DZIP1: variants seen among roughly 807,000 people sequenced by gnomAD.
The protein encoded by DZIP1 is DAZ interacting zinc finger protein 1.
DZIP1 carries 97 observed loss-of-function variants against 107.6 expected under a neutral mutation model. The observed-to-expected ratio is 0.90, with a 90% CI of 0.77 to 1.07. The LOEUF is 1.07. Among genes scored for constraint, DZIP1 ranks in the 50% least tolerant of loss-of-function variants. The pLI is 0.00. For synonymous variants in DZIP1, 390 were observed against 386.4 expected (o/e 1.01, Z -0.11); for missense variants, 1,035 against 1,063.6 (o/e 0.97, Z 0.37).
intron 9 of DZIP1, among the ~76,000 whole-genome samples, chr13:95,621,664 CAGTG>C (rs1566409164): frequency 2.3e-5 from 2 of 86,284 alleles, no homozygotes; most frequent in Non-Finnish European, 5.5e-5. Flanking sequence ...GACCAGTTAG[CAGTG>C]TGTGTGTGTG....
chr13:95,615,551 C>T (rs529132430), intron 10 of DZIP1, among the ~76,000 whole-genome samples: 1 of 152,322 alleles, frequency 6.6e-6, no homozygotes, highest in East Asian at 1.9e-4. Context: ...GGGAGTGGAG[C>T]TGGCCACCTG....
Position 95,581,260 on chromosome 13 carries a change from T to A in DZIP1, c.*974A>T, listed in dbSNP as rs2044007228. ...TGCAAAAAACAGCTTATAAGAACTT[T>A]CTTTCGACAATGTCATTGTTTAAGA... On this transcript the variant is annotated 3_prime_UTR_variant, in exon 23 of 23. Transcript: ENST00000376829. 6.6e-6 allele frequency: 1 copy of A among 152,670 alleles called. No homozygotes were observed. Among genetic ancestry groups the A allele is most frequent in the African/African-American group, 2.4e-5 (1 of 41,472 alleles). 9.5% of individuals were successfully genotyped at this position (152,670 alleles called of 1,614,324 possible). A position where few individuals can be genotyped will look rare whatever the true frequency, so the allele number is the denominator to read the frequency against.
At chr13:95,594,725 C>A (rs542237801) in intron 15 of DZIP1, among the ~76,000 whole-genome samples, 1 of 152,100 alleles carries the variant, frequency 6.6e-6, no homozygotes, top group East Asian at 1.9e-4. Flanking sequence ...AAATCATTAT[C>A]CCCTTCAAAA....
At chr13:95,643,573 A>C (rs927608405) in intron 2 of DZIP1, 28 bp downstream of exon 2, 1 of 152,512 alleles carries the variant, frequency 6.6e-6, no homozygotes, top group Non-Finnish European at 1.5e-5. Context: ...AGCTTCCTCC[A>C]TCTGTTTAAG....
At position 95,582,195 on chromosome 13, in the gene DZIP1, A is replaced by G. The variant is rs372965604; in HGVS notation, c.*39T>C. 14 of 1,594,716 alleles carry G rather than the reference A, an allele frequency of 8.8e-6. No homozygotes were observed. In the African/African-American group the frequency reaches 1.5e-4, roughly 17 times the overall value. ...ATTACTGAAACACTGTGATACTGAA[A>G]TACTGCTGGCTTCTGGAATAATCTT... On this transcript the variant is annotated 3_prime_UTR_variant, in exon 23 of 23. Transcript: ENST00000376829.
At chr13:95,595,157 ACT>A (rs1434205560) in intron 15 of DZIP1, among the ~76,000 whole-genome samples, 1 of 151,992 alleles carries the variant, frequency 6.6e-6, no homozygotes, top group East Asian at 1.9e-4. Flanking sequence ...CACCCGAGAG[ACT>A]CTCCCTTCTG....
intron 14 of DZIP1, among the ~76,000 whole-genome samples, chr13:95,603,282 G>A (rs1231457234): frequency 7.5e-6 from 1 of 134,178 alleles, no homozygotes; most frequent in Non-Finnish European, 1.5e-5. Flanking sequence ...ATTCCAGCCT[G>A]GGCGACAGAG....
chr13:95,636,497 T>C (rs1306632217), intron 5 of DZIP1, among the ~76,000 whole-genome samples: 1 of 144,318 alleles, frequency 6.9e-6, no homozygotes, highest in Non-Finnish European at 1.5e-5. Flanking sequence ...GAGACAAGAT[T>C]GCGCCACTGC....
At position 95,586,076 on chromosome 13, in the gene DZIP1, A is replaced by T. The variant is rs1021473573; in HGVS notation, c.2279T>A (p.Val760Glu). ...VEKMFPHRKN[V>E]NKPVGGTNVP... ...ATTAGTTCCACCGACTGGTTTGTTC[A>T]CATTTTTGCGATGTGGAAACATCTT... The change falls in exon 21 of 23, where the codon GTG (valine) becomes GAG (glutamate). Residue 760 changes from valine to glutamate, a missense_variant. Val to Glu is a moderately radical substitution (Grantham distance 121, BLOSUM62 -2). Transcript: ENST00000376829. 3.1e-6 allele frequency: 5 copies of T among 1,612,024 alleles called. No individual in the cohort carries two copies. Among genetic ancestry groups the T allele is most frequent in the Non-Finnish European group, 3.4e-6 (4 of 1,179,302 alleles).
rs183578048 is a variant in DZIP1, at chr13:95,632,553, G to A, written c.685+681C>T. Among the ~76,000 whole-genome samples, 230 of 152,004 alleles carry A rather than the reference G, an allele frequency of 1.5e-3. 1 individual carries two copies. Among genetic ancestry groups the A allele is most frequent in the African/African-American group, 5.1e-3 (211 of 41,436 alleles). ...TCACTCATCCACTGCTTCCACTGTC[G>A]CCCCAACAGTAGTCTCTATCCACAG... is the stretch of plus-strand genomic sequence containing the variant. On this transcript the variant is annotated intron_variant, in intron 6 of 22. Transcript: ENST00000376829.
intron 8 of DZIP1, among the ~76,000 whole-genome samples, chr13:95,623,382 T>C (rs1876141881): frequency 6.6e-6 from 1 of 151,904 alleles, no homozygotes; most frequent in Non-Finnish European, 1.5e-5. Context: ...AAAGAGAAAA[T>C]CTTCAGTGGA....
rs759599792 is a variant in DZIP1, at chr13:95,641,998, C to A, written c.32G>T (p.Ser11Ile). 1.3e-6 allele frequency: 2 copies of A among 1,579,552 alleles called. No individual in the cohort carries two copies. The highest frequency in any genetic ancestry group is 3.6e-5 in the Admixed American group (2 of 55,544). MQAEAADWFS[S>I]MPFQKHVYYP... is the part of the protein sequence containing the mutation. ...CCCCGGCCTCCCGCCTCTTACCATG[C>A]TTGAAAACCAATCCGCTGCCTCAGC... The change falls in exon 4 of 23, where the codon AGC becomes ATC. Residue 11 changes from serine (S) to isoleucine (I), a missense_variant. Transcript: ENST00000376829. The surrounding 1 kb of genome is among the most constrained non-coding windows in gnomAD (Gnocchi z 4.3).
intron 3 of DZIP1, among the ~76,000 whole-genome samples, chr13:95,642,610 G>A (rs1000339825): frequency 4.6e-5 from 7 of 152,136 alleles, no homozygotes; most frequent in Non-Finnish European, 1.0e-4. Flanking sequence ...AGGGGGACTC[G>A]CTGCAAAAGG....
At position 95,641,160 on chromosome 13, in the gene DZIP1, TG is replaced by T. The variant is rs1878439507; in HGVS notation, c.597+134del. 2.4e-6 allele frequency: 3 copies of T among 1,246,504 alleles called. No individual in the cohort carries two copies. In the Admixed American group the frequency reaches 9.3e-5, roughly 39 times the overall value. The allele number at this position is 1,246,504 out of a possible 1,614,324, so 77.2% of individuals were successfully genotyped here. ...CATTTGTTGGTTAAATGACTGTTTT[TG>T]CTTAAATATACTGTGTCTTCTGATA... On this transcript the variant is annotated intron_variant, in intron 5 of 22. Transcript: ENST00000376829. The surrounding 1 kb of genome is among the most constrained non-coding windows in gnomAD (Gnocchi z 4.3).
rs561111034 is a variant in DZIP1 at position 95,611,748 on chromosome 13, T to C, written c.1315-255A>G. Among the ~76,000 whole-genome samples the C allele has an allele frequency of 8.7e-4, 132 of 152,350 alleles. 1 individual carries two copies. The highest frequency in any genetic ancestry group is 3.1e-3 in the African/African-American group (127 of 41,572). On this transcript the variant is annotated intron_variant, in intron 11 of 22. Transcript: ENST00000376829. ...AAAATAACAAAAAATCTTTTTAAAG[T>C]TGCATTTGTATTTGGCTGCTTCTCA...
At chr13:95,615,700 G>A (rs1031164363) in intron 10 of DZIP1, among the ~76,000 whole-genome samples, 29 of 152,160 alleles carry the variant, frequency 1.9e-4, no homozygotes, top group Admixed American at 5.9e-4. Flanking sequence ...TTTCCTTCCC[G>A]GCTGGGAGCT....
At chr13:95,643,841 C>T (rs1878800691) in intron 1 of DZIP1, 143 bp from the exon 2 acceptor site, 1 of 152,302 alleles carries the variant, frequency 6.6e-6, no homozygotes, top group Admixed American at 6.5e-5. Context: ...TGCCTCTGGC[C>T]TGTTAGAACG....
At chr13:95,585,468 G>A (rs1012430830) in intron 21 of DZIP1, among the ~76,000 whole-genome samples, 12 of 152,208 alleles carry the variant, frequency 7.9e-5, no homozygotes, top group Non-Finnish European at 1.6e-4. Context: ...TGGACTGGAG[G>A]ACCAGTCAAC....
chr13:95,589,409 A>G (rs2044250225), intron 18 of DZIP1, among the ~76,000 whole-genome samples: 1 of 152,136 alleles, frequency 6.6e-6, no homozygotes, highest in African/African-American at 2.4e-5. Context: ...TATGGACTCA[A>G]TGTCTGTGTC....
Sources: gnomAD v4.1 joint callset for allele counts (sites outside exome capture counted in the v4.1 genomes callset) on GRCh38, gnomAD v4.1.1 for gene constraint, Gnocchi (gnomAD v3.1) non-coding constraint, MANE v1.5 for transcripts, NCBI Gene and HGNC (gene_info 2026-07-23, HGNC 2026-07-21) for gene names.